TSHZ3: variants seen among roughly 807,000 people sequenced by gnomAD.
TSHZ3 encodes teashirt zinc finger homeobox 3.
Under a neutral mutation model 64.5 loss-of-function variants are expected in TSHZ3, and 10 were observed. The ratio of observed to expected loss-of-function variants is 0.16; its 90% CI spans 0.10 to 0.26. TSHZ3 has a LOEUF of 0.26. Ranked by LOEUF, TSHZ3 falls within the 10% of genes least tolerant of loss-of-function variation. The probability of loss-of-function intolerance (pLI) is 1.00; values close to 1 mark genes in which losing one functional copy is unlikely to be tolerated. For synonymous variants in TSHZ3, 608 were observed against 593.1 expected (o/e 1.03, Z -0.36); for missense variants, 1,242 against 1,421.7 (o/e 0.87, Z 2.03).
chr19:31,165,104 G>A (rs527818971), intron 5 of TSHZ3, among the ~76,000 whole-genome samples: 8 of 152,212 alleles, frequency 5.3e-5, no homozygotes, highest in Non-Finnish European at 7.3e-5. Context: ...ACCCAGCCCC[G>A]GAATCTCCGC....
chr19:31,286,550 C>T (rs941155689), intron 1 of TSHZ3, among the ~76,000 whole-genome samples: 3 of 152,216 alleles, frequency 2.0e-5, no homozygotes, highest in East Asian at 1.9e-4. Flanking sequence ...TTCCACAGCA[C>T]ACTTGCACTG....
At chr19:31,151,528 G>A (rs1406131966) in exon 7 of TSHZ3, among the ~76,000 whole-genome samples, 3 of 152,154 alleles carry the variant, frequency 2.0e-5, no homozygotes, top group African/African-American at 7.2e-5. Flanking sequence ...GGATGGTTGA[G>A]GGAGGAGCTT....
chr19:31,325,166 C>T (rs1916897777), intron 1 of TSHZ3, among the ~76,000 whole-genome samples: 1 of 152,202 alleles, frequency 6.6e-6, no homozygotes, highest in South Asian at 2.1e-4. Context: ...CTCTGAGCGA[C>T]CTCAGGTAAT....
At chr19:31,198,429 C>T (rs1266251539) in intron 5 of TSHZ3, among the ~76,000 whole-genome samples, 2 of 151,956 alleles carry the variant, frequency 1.3e-5, no homozygotes, top group African/African-American at 4.8e-5. Flanking sequence ...ACTGGAAGTC[C>T]TACCTGATGC....
chr19:31,151,166 A>G (rs3745786), exon 7 of TSHZ3, among the ~76,000 whole-genome samples: 44,891 of 152,072 alleles, frequency 0.3, 6,758 homozygotes, highest in East Asian at 0.43. Flanking sequence ...GCAGGCGGAC[A>G]GGGCCTGCTT....
intron 3 of TSHZ3, among the ~76,000 whole-genome samples, chr19:31,229,760 G>T (rs1045770942): frequency 4.3e-4 from 66 of 152,150 alleles, no homozygotes; most frequent in African/African-American, 1.5e-3. Context: ...GTGGACAAAA[G>T]ACATGATTAG....
chr19:31,294,816 C>T (rs1015581193), intron 1 of TSHZ3, among the ~76,000 whole-genome samples: 5 of 151,972 alleles, frequency 3.3e-5, no homozygotes, highest in African/African-American at 1.2e-4. Flanking sequence ...TAACACCTTA[C>T]CATCCATCAC....
chr19:31,283,359 G>C (rs1276833035), intron 1 of TSHZ3, among the ~76,000 whole-genome samples: 1 of 152,014 alleles, frequency 6.6e-6, no homozygotes, highest in African/African-American at 2.4e-5. Flanking sequence ...AAAATAAAGG[G>C]AAAATTCCCA....
intron 1 of TSHZ3, among the ~76,000 whole-genome samples, chr19:31,342,795 T>C (rs1917475840): frequency 6.6e-6 from 1 of 152,218 alleles, no homozygotes; most frequent in African/African-American, 2.4e-5. Flanking sequence ...TTTCCATTGC[T>C]ATAAACTTGT....
intron 1 of TSHZ3, among the ~76,000 whole-genome samples, chr19:31,318,241 T>C (rs1415791710): frequency 6.6e-6 from 1 of 152,256 alleles, no homozygotes; most frequent in African/African-American, 2.4e-5. Flanking sequence ...AATGGTATTA[T>C]AAATCTGTTT....
chr19:31,313,467 C>G (rs1444687050), intron 1 of TSHZ3, among the ~76,000 whole-genome samples: 1 of 152,320 alleles, frequency 6.6e-6, no homozygotes, highest in Admixed American at 6.5e-5. Context: ...GAGCTACATG[C>G]CTGCCACGTG....
intron 1 of TSHZ3, among the ~76,000 whole-genome samples, chr19:31,250,653 C>T (rs1975827563): frequency 6.6e-6 from 1 of 152,168 alleles, no homozygotes; most frequent in South Asian, 2.1e-4. Flanking sequence ...GGAAGACAGG[C>T]TATTGAATCA....
At chr19:31,222,602 G>A (rs562175299) in intron 4 of TSHZ3, among the ~76,000 whole-genome samples, 1 of 152,256 alleles carries the variant, frequency 6.6e-6, no homozygotes, top group South Asian at 2.1e-4. Context: ...ACCCTTAAAT[G>A]TTTCTCCCTC....
rs146658550 is a variant in TSHZ3, at chr19:31,249,423, C to G, written n.64-6548G>C. ...TCCTTGGCACTAGAGGGCAGGCCAG[C>G]AGGTTCCCTGTCTGCCCGGGTCAAC... On this transcript the variant is annotated intron_variant and non_coding_transcript_variant, in intron 1 of 6. Coordinates refer to the TSHZ3 transcript ENST00000651361. Among the ~76,000 whole-genome samples the G allele has an allele frequency of 3.5e-3, 526 of 152,288 alleles. 3 individuals are homozygous for G. Among genetic ancestry groups the G allele is most frequent in the African/African-American group, 0.011 (474 of 41,566 alleles).
At chr19:31,160,021 C>G (rs529311105) in intron 5 of TSHZ3, among the ~76,000 whole-genome samples, 1 of 152,194 alleles carries the variant, frequency 6.6e-6, no homozygotes. Flanking sequence ...CAAAAACACA[C>G]TTCCCCCTGG....
intron 1 of TSHZ3, among the ~76,000 whole-genome samples, chr19:31,321,067 C>T (rs532026025): frequency 1.3e-5 from 2 of 152,348 alleles, no homozygotes; most frequent in South Asian, 4.1e-4. Flanking sequence ...TCCCACTTTG[C>T]AATACATAAA....
intron 5 of TSHZ3, among the ~76,000 whole-genome samples, chr19:31,186,198 G>T (rs1411237105): frequency 3.3e-5 from 5 of 152,132 alleles, no homozygotes; most frequent in African/African-American, 4.8e-5. Flanking sequence ...GAGTGGAATT[G>T]CTGGGCTCTA....
intron 3 of TSHZ3, among the ~76,000 whole-genome samples, chr19:31,235,604 CTT>C (rs1599597720): frequency 7.1e-6 from 1 of 141,060 alleles, no homozygotes; most frequent in Non-Finnish European, 1.5e-5. Context: ...TTTTTTCTTT[CTT>C]TCTTTCTTTC....
chr19:31,338,970 T>C (rs755265273), intron 1 of TSHZ3, among the ~76,000 whole-genome samples: 5 of 152,042 alleles, frequency 3.3e-5, no homozygotes, highest in African/African-American at 4.8e-5. Context: ...TGCCCCAGCT[T>C]GTCCGACTCT....
Sources: allele counts gnomAD v4.1 joint callset (sites outside exome capture counted in the v4.1 genomes callset), GRCh38; gene constraint gnomAD v4.1.1; transcripts MANE v1.5; gene names NCBI Gene and HGNC (gene_info 2026-07-23, HGNC 2026-07-21).